The following MGAT1 variants were observed in gnomAD, a reference collection of about 807,000 sequenced individuals.
MGAT1 encodes the protein N-glycosyl-oligosaccharide-glycoprotein N-acetylglucosaminyltransferase I.
In MGAT1, 14 loss-of-function variants were observed where a neutral mutation model predicts 31.7. The observed-to-expected ratio is 0.44, with a 90% confidence interval of 0.29 to 0.69. The LOEUF is 0.69. Ranked by LOEUF, MGAT1 falls within the 30% of genes least tolerant of loss-of-function variation. The pLI is 0.12. For synonymous variants in MGAT1, 338 were observed against 276.0 expected, an observed-to-expected ratio of 1.22 and a Z score of -2.23; for missense variants, 557 against 626.0, an observed-to-expected ratio of 0.89 and a Z score of 1.18.
At chr5:180,800,985 C>G (rs890981209) in intron 1 of MGAT1, among the ~76,000 whole-genome samples, 2 of 152,174 alleles carry the variant, frequency 1.3e-5, no homozygotes, top group East Asian at 1.9e-4. Context: ...ATCCACACCA[C>G]CAGGTACAAA....
chr5:180,798,905 T>C (rs190959867), intron 1 of MGAT1, among the ~76,000 whole-genome samples: 4 of 152,196 alleles, frequency 2.6e-5, no homozygotes, highest in Non-Finnish European at 4.4e-5. Context: ...TTCAAAACTA[T>C]GAAAATGGAA....
At chr5:180,803,833 G>C (rs1001057401), upstream of MGAT1, 3 of 152,474 alleles carry the variant, frequency 2.0e-5, no homozygotes, top group African/African-American at 7.2e-5. Context: ...CAGGCGGTGA[G>C]GGTGGGTAGC....
Position 180,785,744 on chromosome 5 carries a change from C to G in MGAT1, c.*5890G>C, listed in dbSNP as rs980896420. 3 of 152,266 alleles carry G rather than the reference C, an allele frequency of 2.0e-5. No homozygotes were observed. The highest frequency in any genetic ancestry group is 4.4e-5 in the Non-Finnish European group (3 of 68,050). 9.4% of individuals were successfully genotyped at this position (152,266 alleles called of 1,614,324 possible). On this transcript the variant is annotated 3_prime_UTR_variant, in exon 2 of 2. Coordinates refer to ENST00000307826, the MANE Select transcript of MGAT1 (RefSeq NM_002406.4). ...TGATCGCCGCTCACCTACTCCTGAT[C>G]CTGAAAGGTTTTGCCCTTTTCCTAA... is the stretch of plus-strand genomic sequence containing the variant.
Position 180,791,946 on chromosome 5 carries a change from G to A in MGAT1, c.1026C>T (p.Thr342=), listed in dbSNP as rs1397189256. 6.2e-7 allele frequency: 1 copy of A among 1,614,072 alleles called. No individual in the cohort carries two copies. The highest frequency in any genetic ancestry group is 1.1e-5 in the South Asian group (1 of 91,092). ...IKLNQQFVHF[T]QLDLSYLQRE... Reference sequence around the variant, plus strand: ...GCTGCAGGTAAGACAGGTCCAGCTGGGTGAAGTGCACAAACTGCTGGTTCA... The same window carrying A: ...GCTGCAGGTAAGACAGGTCCAGCTGAGTGAAGTGCACAAACTGCTGGTTCA... The change falls in exon 2 of 2, where the codon ACC becomes ACT. Residue 342 remains threonine (T), a synonymous_variant. Transcript: ENST00000307826.
rs567760540 is a variant in MGAT1, at chr5:180,787,234, A to G, written c.*4400T>C. ...GCCCAGGCCCACCGCACTCTATGAC[A>G]TCGGCCACCAGGCTGGTCTCCAGGA... On this transcript the variant is annotated 3_prime_UTR_variant, in exon 2 of 2. Transcript: ENST00000307826. The G allele has an allele frequency of 3.9e-5, 6 of 152,400 alleles. No individual in the cohort carries two copies. In the East Asian group the frequency reaches 1.2e-3, roughly 29 times the overall value. 9.4% of individuals were successfully genotyped at this position (152,400 alleles called of 1,614,324 possible).
chr5:180,811,955 C>T (rs887123654), intron 1 of MGAT1, among the ~76,000 whole-genome samples: 7 of 152,198 alleles, frequency 4.6e-5, no homozygotes, highest in African/African-American at 1.7e-4. Flanking sequence ...TCCCATGTCA[C>T]CTCAGTGAGG....
At chr5:180,808,778 TC>T (rs1053116781) in exon 2 of MGAT1, 2 of 152,208 alleles carry the variant, frequency 1.3e-5, no homozygotes, top group African/African-American at 4.8e-5. Context: ...AGGTCCAAAG[TC>T]CATGGCTGAG....
At position 180,792,429 on chromosome 5, in the gene MGAT1, G is replaced by A. The variant is rs776313867; in HGVS notation, c.543C>T (p.Gly181=). Residue 181 remains glycine (G), a synonymous_variant, in exon 2 of 2, where the codon GGC becomes GGT. Coordinates refer to ENST00000307826, the MANE Select transcript of MGAT1 (RefSeq NM_002406.4). ...GGTAGTGGCGCGCGATCTTGTAGTA[G>A]CCCTGGAACTTGCGGTGGTCCGGCG... ...AVPPDHRKFQ[G]YYKIARHYRW... 6.8e-6 allele frequency: 11 copies of A among 1,611,990 alleles called. No individual in the cohort carries two copies. In the Admixed American group the frequency reaches 1.3e-4, roughly 20 times the overall value.
chr5:180,813,023 C>T (rs1457958670), intron 1 of MGAT1, among the ~76,000 whole-genome samples: 1 of 151,520 alleles, frequency 6.6e-6, no homozygotes, highest in Non-Finnish European at 1.5e-5. Context: ...TATTTTTGTA[C>T]ATTTGGGTTG....
rs1257566210 is a variant in MGAT1 at position 180,802,789 on chromosome 5, C to T, written c.-236G>A. On this transcript the variant is annotated 5_prime_UTR_variant, in exon 1 of 2. Coordinates refer to ENST00000307826, the MANE Select transcript of MGAT1 (RefSeq NM_002406.4). Reference sequence around the variant, plus strand: ...CTGCCGCGGCCGCCTCGCCTTTCGACTCGCCAGCCCTTTCTGCGGCGCGCC... The same window carrying T: ...CTGCCGCGGCCGCCTCGCCTTTCGATTCGCCAGCCCTTTCTGCGGCGCGCC... 1 of 151,934 alleles carries T rather than the reference C, an allele frequency of 6.6e-6. No homozygotes were observed. Among genetic ancestry groups the T allele is most frequent in the Non-Finnish European group, 1.5e-5 (1 of 67,960 alleles). 9.4% of individuals were successfully genotyped at this position (151,934 alleles called of 1,614,324 possible).
intron 1 of MGAT1, among the ~76,000 whole-genome samples, chr5:180,798,675 T>C (rs969434634): frequency 4.6e-5 from 7 of 152,184 alleles, no homozygotes; most frequent in African/African-American, 1.7e-4. Context: ...CAGTAAAACC[T>C]CATCCAGCCT....
rs778312623 is a variant in MGAT1, at chr5:180,792,881, G to A, written c.91C>T (p.Arg31Cys). The change falls in exon 2 of 2, where the codon CGC (arginine) becomes TGC (cysteine). Residue 31 changes from arginine (R) to cysteine (C), a missense_variant. By Grantham distance (180) the Arg-to-Cys change is radical. Around this residue, in one of 3 missense-constraint regions of MGAT1, gnomAD observed 167 missense variants for 149.8 expected, o/e 1.11. Transcript: ENST00000307826. ...GAGGGTGGCCTGCCAGGTGCTGGGC[G>A]CGTCCAGAAGAAGAGGAGCAGCAGG... is the stretch of plus-strand genomic sequence containing the variant. ...NALLLLFFWT[R>C]PAPGRPPSVS... is the part of the protein sequence containing the mutation. 1.3e-6 allele frequency: 2 copies of A among 1,595,764 alleles called. No individual in the cohort carries two copies. The highest frequency in any genetic ancestry group is 1.7e-5 in the Admixed American group (1 of 57,236).
At chr5:180,804,551 T>C (rs1450322856), upstream of MGAT1, among the ~76,000 whole-genome samples, 1 of 152,242 alleles carries the variant, frequency 6.6e-6, no homozygotes, top group Admixed American at 6.5e-5. Context: ...CAGGCGGATA[T>C]GCCAGTCAGA....
rs1767580657 is a variant in MGAT1, at chr5:180,786,552, G to T, written c.*5082C>A. 6.6e-6 allele frequency: 1 copy of T among 152,278 alleles called. No individual in the cohort carries two copies. Among genetic ancestry groups the T allele is most frequent in the Non-Finnish European group, 1.5e-5 (1 of 68,082 alleles). The allele number at this position is 152,278 out of a possible 1,614,324, so 9.4% of individuals were successfully genotyped here. On this transcript the variant is annotated 3_prime_UTR_variant, in exon 2 of 2. Transcript: ENST00000307826. ...CTGACAGGGGTGCCTGTGTGATCCA[G>T]TTCTACCCAGGGAATTGTGACCCAG...
intron 1 of MGAT1, chr5:180,809,531 C>T (rs913889959): frequency 2.6e-5 from 4 of 152,206 alleles, no homozygotes; most frequent in Non-Finnish European, 1.5e-5. Context: ...GTTAATAAAT[C>T]CTTTCCAGAC....
chr5:180,813,450 A>G (rs751655220), intron 1 of MGAT1, among the ~76,000 whole-genome samples: 6 of 151,984 alleles, frequency 3.9e-5, no homozygotes, highest in Non-Finnish European at 8.8e-5. Context: ...TGTTACAGCA[A>G]TTTTCCCAGT....
At position 180,793,001 on chromosome 5, in the gene MGAT1, G is replaced by A. The variant is rs924374684; in HGVS notation, c.-30C>T. The A allele has an allele frequency of 2.5e-6, 4 of 1,611,038 alleles. No homozygotes were observed. The highest frequency in any genetic ancestry group is 1.9e-4 in the Middle Eastern group (1 of 5,378). ...GCCCCCACCGGGGAGGGCAGGCCAG[G>A]GGACGGTTCAAGGCTGCCCTGGGCT... On this transcript the variant is annotated 5_prime_UTR_variant, in exon 2 of 2. Coordinates refer to ENST00000307826, the MANE Select transcript of MGAT1 (RefSeq NM_002406.4).
intron 1 of MGAT1, among the ~76,000 whole-genome samples, chr5:180,800,302 T>C (rs1453699741): frequency 6.6e-6 from 1 of 152,244 alleles, no homozygotes; most frequent in Non-Finnish European, 1.5e-5. Context: ...ATTACCTCGA[T>C]ATTTAGTGGC....
At chr5:180,811,115 C>A (rs768894243) in intron 1 of MGAT1, 1 of 152,220 alleles carries the variant, frequency 6.6e-6, no homozygotes, top group Admixed American at 6.5e-5. Context: ...CCTATGCAGC[C>A]CTCTCCCGAC....
Sources: allele counts gnomAD v4.1 joint callset (sites outside exome capture counted in the v4.1 genomes callset), GRCh38; gene constraint gnomAD v4.1.1; regional missense constraint gnomAD v4.1.1; transcripts MANE v1.5; gene names NCBI Gene and HGNC (gene_info 2026-07-23, HGNC 2026-07-21).